NALCN: variants seen among roughly 807,000 people sequenced by gnomAD.
The protein encoded by NALCN is sodium leak channel NALCN.
Under a neutral mutation model 225.3 loss-of-function variants are expected in NALCN, and 111 were observed. The observed-to-expected ratio is 0.49, with a 90% confidence interval of 0.42 to 0.58. NALCN has a LOEUF of 0.58. Among genes scored for constraint, NALCN ranks in the 20% least tolerant of loss-of-function variants. The pLI is 0.00. For synonymous variants in NALCN, 764 were observed against 769.0 expected, an observed-to-expected ratio of 0.99 and a Z score of 0.11; for missense variants, 1,378 against 2,202.4, an observed-to-expected ratio of 0.63 and a Z score of 7.49.
intron 6 of NALCN, among the ~76,000 whole-genome samples, chr13:101,360,055 CTCTT>C (rs71692944): frequency 0.11 from 15,804 of 150,414 alleles, 1,246 homozygotes; most frequent in East Asian, 0.34. Context: ...TTTTCTTTTT[CTCTT>C]TCTTTCTTTT....
intron 1 of NALCN, among the ~76,000 whole-genome samples, chr13:101,415,932 A>T (rs1007180093): frequency 6.6e-6 from 1 of 151,926 alleles, no homozygotes. Flanking sequence ...GCCCCCCAAC[A>T]CCTGCTAGAT....
chr13:101,271,722 CTG>C (rs930590636), intron 10 of NALCN, among the ~76,000 whole-genome samples: 30 of 149,850 alleles, frequency 2.0e-4, no homozygotes, highest in African/African-American at 5.9e-4. Flanking sequence ...ATGTAAATGT[CTG>C]TGTGTCACTG....
chr13:101,280,610 G>T (rs1404549232), intron 10 of NALCN, among the ~76,000 whole-genome samples: 8 of 152,096 alleles, frequency 5.3e-5, no homozygotes, highest in Non-Finnish European at 1.0e-4. Context: ...CTCTGATTTG[G>T]CACTCAGAGT....
At chr13:101,076,617 C>T (rs2033269869) in intron 34 of NALCN, among the ~76,000 whole-genome samples, 1 of 152,106 alleles carries the variant, frequency 6.6e-6, no homozygotes, top group African/African-American at 2.4e-5. Context: ...ACAGATGGGC[C>T]CCGCGAAGGG....
At chr13:101,126,753 A>G (rs2036253932) in intron 17 of NALCN, among the ~76,000 whole-genome samples, 1 of 152,004 alleles carries the variant, frequency 6.6e-6, no homozygotes, top group Non-Finnish European at 1.5e-5. Flanking sequence ...AGCCTCCCAA[A>G]GTGCTGAGAT....
At chr13:101,201,459 C>T (rs1030503713) in intron 13 of NALCN, among the ~76,000 whole-genome samples, 1 of 152,136 alleles carries the variant, frequency 6.6e-6, no homozygotes, top group African/African-American at 2.4e-5. Flanking sequence ...AGGGGTCATC[C>T]ATGTTGTAGT....
intron 6 of NALCN, among the ~76,000 whole-genome samples, chr13:101,365,707 A>G (rs908109750): frequency 3.9e-5 from 6 of 152,126 alleles, no homozygotes. Context: ...TTAAAATCGA[A>G]TAACAGGCTG....
At chr13:101,249,003 T>C (rs1271033674) in intron 11 of NALCN, among the ~76,000 whole-genome samples, 1 of 152,090 alleles carries the variant, frequency 6.6e-6, no homozygotes, top group Non-Finnish European at 1.5e-5. Context: ...ACAGTTAGTA[T>C]CTCGAGTAAG....
chr13:101,338,401 A>AC, intron 7 of NALCN, among the ~76,000 whole-genome samples: 1 of 152,336 alleles, frequency 6.6e-6, no homozygotes, highest in East Asian at 1.9e-4. Context: ...AATGCATGAT[A>AC]GCGATTTACT....
chr13:101,254,768 GTAGTCCCAGC>G lies in NALCN; in HGVS notation c.1266+3665_1266+3674del, dbSNP rs1311499692. Among the ~76,000 whole-genome samples, 3 of 115,688 alleles carry G rather than the reference GTAGTCCCAGC, an allele frequency of 2.6e-5. 1 individual carries two copies. The highest frequency in any genetic ancestry group is 6.0e-5 in the Non-Finnish European group (3 of 50,300). 75.9% of individuals were successfully genotyped at this position (115,688 alleles called of 152,430 possible). A position where few individuals can be genotyped will look rare whatever the true frequency, so the allele number is the denominator to read the frequency against. ...TAGCCGGGCGTAGTGGCGGGCGCCT[GTAGTCCCAGC>G]TACTTGGGAGGCTGAGGCAGGAGAA... On this transcript the variant is annotated intron_variant, in intron 11 of 43. Coordinates refer to ENST00000251127, the MANE Select transcript of NALCN (RefSeq NM_052867.4).
At chr13:101,105,083 T>C in intron 22 of NALCN, 133 bp from the exon 23 acceptor site, 1 of 694,404 alleles carries the variant, frequency 1.4e-6, no homozygotes, top group Non-Finnish European at 2.4e-6. Flanking sequence ...TTATAAAATA[T>C]GTTAACTGTA....
chr13:101,126,080 A>C (rs1193973453), intron 17 of NALCN, among the ~76,000 whole-genome samples: 3 of 152,242 alleles, frequency 2.0e-5, no homozygotes. Flanking sequence ...AGCTATGAAC[A>C]AATGCTATAA....
chr13:101,142,270 T>C (rs1005478799), intron 17 of NALCN, among the ~76,000 whole-genome samples: 1 of 150,952 alleles, frequency 6.6e-6, no homozygotes, highest in Non-Finnish European at 1.5e-5. Context: ...GCCTCCCGAG[T>C]AGCTGGGATT....
At chr13:101,137,867 C>T (rs1426484247) in intron 17 of NALCN, among the ~76,000 whole-genome samples, 3 of 152,166 alleles carry the variant, frequency 2.0e-5, no homozygotes, top group African/African-American at 7.2e-5. Context: ...AGGTGCAATG[C>T]TAGGTATTTA....
In NALCN at chr13:101,399,053, G is replaced by A. The variant is rs770121265; in HGVS notation, c.74C>T (p.Ser25Leu). ...AATCCAGAGGATGTCAGCATTATCC[G>A]ACAGAGACTCATCAGGACCAAAGTC... ...VTDFGPDESL[S>L]DNADILWINK... The change falls in exon 2 of 44, where the codon TCG (serine) becomes TTG (leucine). Residue 25 changes from serine to leucine, a missense_variant. By Grantham distance (145) the Ser-to-Leu change is moderately radical. This residue lies in a region of NALCN where 146 missense variants were observed against 205.9 expected (regional missense o/e 0.71). Coordinates refer to ENST00000251127, the MANE Select transcript of NALCN (RefSeq NM_052867.4). 1.2e-6 allele frequency: 2 copies of A among 1,612,302 alleles called. No homozygotes were observed. Among genetic ancestry groups the A allele is most frequent in the Admixed American group, 1.7e-5 (1 of 59,948 alleles).
intron 13 of NALCN, among the ~76,000 whole-genome samples, chr13:101,202,596 T>A (rs1175101398): frequency 6.6e-6 from 1 of 152,126 alleles, no homozygotes; most frequent in Non-Finnish European, 1.5e-5. Flanking sequence ...GATTCCTAGG[T>A]GAATCTGATA....
At chr13:101,121,113 T>G (rs2035952449) in intron 18 of NALCN, among the ~76,000 whole-genome samples, 1 of 152,042 alleles carries the variant, frequency 6.6e-6, no homozygotes, top group Non-Finnish European at 1.5e-5. Flanking sequence ...GAGGGTCAGA[T>G]TAGTGAGGTG....
intron 6 of NALCN, among the ~76,000 whole-genome samples, chr13:101,353,137 T>C (rs2045953058): frequency 6.6e-6 from 1 of 152,066 alleles, no homozygotes; most frequent in Non-Finnish European, 1.5e-5. Context: ...ATGGAGAAAA[T>C]TACACCCACA....
intron 30 of NALCN, among the ~76,000 whole-genome samples, chr13:101,088,470 G>A (rs2034040724): frequency 6.6e-6 from 1 of 152,098 alleles, no homozygotes; most frequent in South Asian, 2.1e-4. Flanking sequence ...TCATGCCTTC[G>A]AAGAATCACA....
Sources: gnomAD v4.1 joint callset for allele counts (sites outside exome capture counted in the v4.1 genomes callset) on GRCh38, gnomAD v4.1.1 for gene constraint, gnomAD v4.1.1 regional missense constraint, MANE v1.5 for transcripts, NCBI Gene and HGNC (gene_info 2026-07-23, HGNC 2026-07-21) for gene names.